The following MYZAP variants were observed in gnomAD, a reference collection of about 807,000 sequenced individuals.
MYZAP encodes myocardial zonula adherens protein.
A neutral mutation model predicts 69.4 loss-of-function variants in MYZAP; 66 were observed. The ratio of observed to expected loss-of-function variants is 0.95; its 90% CI spans 0.78 to 1.17. The LOEUF (loss-of-function observed/expected upper bound fraction) is 1.17. Among genes scored for constraint, MYZAP ranks in the 50% most tolerant of loss-of-function variants. MYZAP has a pLI of 0.00. For synonymous variants in MYZAP, 256 were observed against 205.9 expected (o/e 1.24, Z -2.09); for missense variants, 611 against 556.2 (o/e 1.10, Z -0.99).
chr15:57,648,181 A>G (rs943039070), intron 10 of MYZAP: 2 of 985,176 alleles, frequency 2.0e-6, no homozygotes, highest in Admixed American at 6.1e-5. Context: ...TATCAGCACA[A>G]TTGTGGCAGC....
intron 5 of MYZAP, among the ~76,000 whole-genome samples, chr15:57,627,128 A>C (rs1253821995): frequency 4.6e-5 from 7 of 152,028 alleles, no homozygotes; most frequent in African/African-American, 1.7e-4. Flanking sequence ...TTTGTACTAC[A>C]TCTCTGGTTT....
chr15:57,621,989 G>A (rs1235516262), intron 4 of MYZAP, among the ~76,000 whole-genome samples: 1 of 151,996 alleles, frequency 6.6e-6, no homozygotes. Context: ...TCACATACTG[G>A]CCAAACAAGA....
intron 10 of MYZAP, chr15:57,647,416 A>G (rs759772550): frequency 4.8e-5 from 47 of 985,202 alleles, no homozygotes; most frequent in Non-Finnish European, 5.5e-5. Context: ...GGACGCCTTT[A>G]TTGCTGTAAT....
At chr15:57,670,970 T>C (rs1158976458) in intron 11 of MYZAP, among the ~76,000 whole-genome samples, 6 of 152,096 alleles carry the variant, frequency 3.9e-5, no homozygotes, top group African/African-American at 1.4e-4. Context: ...ATGATTATCA[T>C]TTTTGCTTTA....
chr15:57,675,838 A>G (rs574682833), intron 12 of MYZAP, among the ~76,000 whole-genome samples: 2 of 152,310 alleles, frequency 1.3e-5, no homozygotes, highest in African/African-American at 2.4e-5. Context: ...GTTTACAGCA[A>G]AGATGCTAAT....
At chr15:57,598,555 C>T (rs1226795957) in intron 1 of MYZAP, among the ~76,000 whole-genome samples, 1 of 152,194 alleles carries the variant, frequency 6.6e-6, no homozygotes, top group Non-Finnish European at 1.5e-5. Context: ...CCCTTCCGTC[C>T]ATTGTGTGGT....
chr15:57,650,161 T>A (rs886818467), intron 10 of MYZAP, among the ~76,000 whole-genome samples: 13 of 152,318 alleles, frequency 8.5e-5, no homozygotes, highest in Middle Eastern at 3.4e-3. Flanking sequence ...CCGTACTGAT[T>A]TTTTTCACGT....
chr15:57,648,164 T>C (rs1169350480), intron 10 of MYZAP: 2 of 984,814 alleles, frequency 2.0e-6, no homozygotes, highest in Non-Finnish European at 2.4e-6. Flanking sequence ...TGTCAATTTT[T>C]AGAAGGTATC....
At chr15:57,653,924 G>A (rs2037854489) in intron 10 of MYZAP, among the ~76,000 whole-genome samples, 1 of 138,912 alleles carries the variant, frequency 7.2e-6, no homozygotes, top group Non-Finnish European at 1.5e-5. Context: ...AGGACCCATT[G>A]AGCCCAGGAG....
At chr15:57,665,344 C>T (rs1221998404) in intron 11 of MYZAP, among the ~76,000 whole-genome samples, 1 of 152,228 alleles carries the variant, frequency 6.6e-6, no homozygotes, top group Non-Finnish European at 1.5e-5. Flanking sequence ...TTGCAGAATT[C>T]ATAGGAGTTT....
At chr15:57,616,046 G>A (rs1467131447) in intron 2 of MYZAP, among the ~76,000 whole-genome samples, 4 of 152,196 alleles carry the variant, frequency 2.6e-5, no homozygotes, top group African/African-American at 4.8e-5. Context: ...CCCATCCATG[G>A]TTCCTTCCTT....
At chr15:57,676,231 A>G (rs2039105413) in intron 12 of MYZAP, among the ~76,000 whole-genome samples, 1 of 151,934 alleles carries the variant, frequency 6.6e-6, no homozygotes, top group African/African-American at 2.4e-5. Context: ...TTTATTTATT[A>G]CTGGTATTGT....
intron 10 of MYZAP, among the ~76,000 whole-genome samples, chr15:57,656,962 A>G (rs1320093559): frequency 6.6e-6 from 1 of 152,158 alleles, no homozygotes; most frequent in African/African-American, 2.4e-5. Flanking sequence ...GTCTCTCCAG[A>G]CTAGCATCAG....
At chr15:57,632,403 A>G in intron 6 of MYZAP, 31 bp from the exon 7 acceptor site, 1 of 1,613,756 alleles carries the variant, frequency 6.2e-7, no homozygotes, top group African/African-American at 1.3e-5. Context: ...GCCCTGCAAA[A>G]GCTGTCGTTC....
rs140163703 is a variant in MYZAP at position 57,604,294 on chromosome 15, C to A, written c.101C>A (p.Thr34Asn). 5 of 1,614,100 alleles carry A rather than the reference C, an allele frequency of 3.1e-6. No individual in the cohort carries two copies. Among genetic ancestry groups the A allele is most frequent in the Non-Finnish European group, 4.2e-6 (5 of 1,180,044 alleles). The part of the protein sequence containing the change: ...RRANVCRLRL[T>N]VPPESPVPEQ... ...GCAAATGTTTGCAGACTACGGCTGA[C>A]CGTACCTCCTGAGAGTCCAGTTCCT... Residue 34 changes from threonine (T) to asparagine (N), a missense_variant, in exon 2 of 13, where the codon ACC (threonine) becomes AAC (asparagine). Physicochemically the swap from Thr to Asn is moderately conservative, Grantham distance 65 (BLOSUM62 0). Transcript: ENST00000267853.
Position 57,625,886 on chromosome 15 carries a change from C to A in MYZAP, c.519C>A (p.Gly173=), listed in dbSNP as rs780745533. 5 of 1,614,052 alleles carry A rather than the reference C, an allele frequency of 3.1e-6. No homozygotes were observed. The Admixed American group carries it at 8.3e-5, about 27-fold the overall frequency. Residue 173 remains glycine (G), a synonymous_variant, in exon 5 of 13, where the codon GGC becomes GGA. Transcript: ENST00000267853. ...MNSALASDSI[G]LQKTLVDVTL... ...CAGCCTTGGCATCAGATTCCATTGG[C>A]CTGCAGGTACTCATCTGCTTACTGC...
intron 2 of MYZAP, 31 bp from the exon 3 acceptor site, chr15:57,618,002 A>G (rs753208716): frequency 6.2e-7 from 1 of 1,604,378 alleles, no homozygotes; most frequent in Middle Eastern, 1.7e-4. Context: ...AAGAGTCATT[A>G]TTCTTTTTTT....
At chr15:57,641,821 A>ATGT (rs1354307291) in intron 10 of MYZAP, among the ~76,000 whole-genome samples, 1 of 152,218 alleles carries the variant, frequency 6.6e-6, no homozygotes, top group African/African-American at 2.4e-5. Flanking sequence ...TTTAAAAGTT[A>ATGT]GAAACATGGT....
At chr15:57,596,775 G>A (rs1233691264) in intron 1 of MYZAP, among the ~76,000 whole-genome samples, 10 of 152,076 alleles carry the variant, frequency 6.6e-5, no homozygotes, top group South Asian at 2.1e-4. Context: ...CCATTTCCCC[G>A]AGCTTTCGAT....
Sources: allele counts gnomAD v4.1 joint callset (sites outside exome capture counted in the v4.1 genomes callset), GRCh38; gene constraint gnomAD v4.1.1; transcripts MANE v1.5; gene names NCBI Gene and HGNC (gene_info 2026-07-23, HGNC 2026-07-21).